AK5: variants seen among roughly 807,000 people sequenced by gnomAD.
The protein encoded by AK5 is adenylate kinase isoenzyme 5.
Under a neutral mutation model 69.5 loss-of-function variants are expected in AK5, and 27 were observed. The ratio of observed to expected loss-of-function variants is 0.39; its 90% CI spans 0.29 to 0.54. AK5 has a LOEUF of 0.54. Among genes scored for constraint, AK5 ranks in the 20% least tolerant of loss-of-function variants. The pLI is 0.71. For synonymous variants in AK5, 260 were observed against 244.4 expected (o/e 1.06, Z -0.60); for missense variants, 531 against 700.4 (o/e 0.76, Z 2.73).
intron 8 of AK5, among the ~76,000 whole-genome samples, chr1:77,481,383 A>C (rs1177854980): frequency 6.6e-6 from 1 of 152,182 alleles, no homozygotes; most frequent in Non-Finnish European, 1.5e-5. Flanking sequence ...CTTGTTGAGG[A>C]ATAATTGATG....
At chr1:77,522,874 A>G (rs1298996246) in intron 12 of AK5, among the ~76,000 whole-genome samples, 1 of 152,168 alleles carries the variant, frequency 6.6e-6, no homozygotes, top group Non-Finnish European at 1.5e-5. Context: ...CATTTTTCAT[A>G]TACAGTTTTC....
At chr1:77,357,626 C>G (rs1662603177) in intron 6 of AK5, among the ~76,000 whole-genome samples, 1 of 152,188 alleles carries the variant, frequency 6.6e-6, no homozygotes, top group Non-Finnish European at 1.5e-5. Flanking sequence ...ACTGCATGCT[C>G]AGTTATATCT....
At chr1:77,533,292 G>C (rs966554836) in intron 12 of AK5, among the ~76,000 whole-genome samples, 7 of 152,156 alleles carry the variant, frequency 4.6e-5, no homozygotes, top group African/African-American at 1.4e-4. Flanking sequence ...GAGGTGGGTG[G>C]ATCACTTGAG....
chr1:77,525,766 T>C (rs1005830899), intron 12 of AK5, among the ~76,000 whole-genome samples: 1 of 152,176 alleles, frequency 6.6e-6, no homozygotes, highest in Non-Finnish European at 1.5e-5. Flanking sequence ...ACCATATATA[T>C]GTGAGAGTTT....
intron 8 of AK5, among the ~76,000 whole-genome samples, chr1:77,443,639 C>T (rs553089838): frequency 9.3e-5 from 14 of 150,194 alleles, no homozygotes; most frequent in African/African-American, 2.0e-4. Context: ...ATAATAATGC[C>T]GCATTCCATG....
intron 6 of AK5, among the ~76,000 whole-genome samples, chr1:77,390,124 G>T (rs1388402486): frequency 2.8e-4 from 42 of 152,170 alleles, no homozygotes; most frequent in Admixed American, 2.7e-3. Context: ...AGGATCACCA[G>T]TTATGAAGGA....
At chr1:77,548,434 C>T (rs1421816576) in intron 13 of AK5, among the ~76,000 whole-genome samples, 2 of 152,132 alleles carry the variant, frequency 1.3e-5, no homozygotes, top group Non-Finnish European at 2.9e-5. Context: ...CTTGCTGAGC[C>T]GCTGCTGTTA....
intron 10 of AK5, among the ~76,000 whole-genome samples, chr1:77,504,224 C>G (rs778303671): frequency 5.3e-5 from 8 of 152,110 alleles, no homozygotes; most frequent in Non-Finnish European, 1.2e-4. Flanking sequence ...TAAGTCATGT[C>G]TCTTTAGACA....
intron 8 of AK5, among the ~76,000 whole-genome samples, chr1:77,422,276 T>C (rs1650866998): frequency 1.3e-5 from 2 of 152,092 alleles, no homozygotes; most frequent in African/African-American, 2.4e-5. Context: ...TCCTAACCAG[T>C]CTCCTTCCCT....
chr1:77,417,973 T>C, intron 8 of AK5: 1 of 326,648 alleles, frequency 3.1e-6, no homozygotes, highest in South Asian at 3.3e-5. Flanking sequence ...GGGATAGAAA[T>C]GAGGTTCTCT....
intron 8 of AK5, among the ~76,000 whole-genome samples, chr1:77,432,840 T>G (rs1414650401): frequency 1.3e-5 from 2 of 152,180 alleles, no homozygotes; most frequent in African/African-American, 2.4e-5. Flanking sequence ...AATTACATCA[T>G]TATCTTGCCA....
intron 8 of AK5, among the ~76,000 whole-genome samples, chr1:77,422,516 G>T (rs549392158): frequency 5.9e-5 from 9 of 152,206 alleles, no homozygotes; most frequent in Admixed American, 1.3e-4. Context: ...CCATTCTCAG[G>T]TCCCTCAAAT....
intron 7 of AK5, among the ~76,000 whole-genome samples, chr1:77,415,055 A>G (rs1186067736): frequency 3.3e-5 from 5 of 152,168 alleles, no homozygotes; most frequent in Non-Finnish European, 4.4e-5. Flanking sequence ...ATGATACAAT[A>G]TAATTCCTGT....
chr1:77,368,232 TATATATA>T (rs1158419696), intron 6 of AK5, among the ~76,000 whole-genome samples: 1,961 of 26,892 alleles, frequency 0.073, 154 homozygotes, highest in African/African-American at 0.17. Context: ...TATATATATA[TATATATA>T]TATATATATA....
intron 6 of AK5, among the ~76,000 whole-genome samples, chr1:77,364,114 A>G (rs1323334284): frequency 1.3e-5 from 2 of 152,206 alleles, no homozygotes; most frequent in Admixed American, 6.5e-5. Flanking sequence ...ATTGTCAATT[A>G]TATCATGGTA....
intron 6 of AK5, among the ~76,000 whole-genome samples, chr1:77,358,014 T>TGA (rs770789847): frequency 9.3e-6 from 1 of 107,678 alleles, no homozygotes; most frequent in Admixed American, 1.1e-4. Context: ...TGTGTGTGTG[T>TGA]GTGTGAGAGA....
At chr1:77,327,608 A>G (rs915439627) in intron 5 of AK5, among the ~76,000 whole-genome samples, 15 of 152,210 alleles carry the variant, frequency 9.9e-5, no homozygotes, top group African/African-American at 3.6e-4. Flanking sequence ...CCATAAACTG[A>G]TCACCATGAA....
intron 5 of AK5, among the ~76,000 whole-genome samples, chr1:77,312,623 A>C (rs889439456): frequency 8.6e-5 from 13 of 151,932 alleles, no homozygotes; most frequent in African/African-American, 2.7e-4. Flanking sequence ...AAAAAAAAAA[A>C]AAAAAACAAA....
chr1:77,391,430 T>TAC (rs1242739355), intron 6 of AK5, among the ~76,000 whole-genome samples: 2 of 124,788 alleles, frequency 1.6e-5, no homozygotes, highest in Non-Finnish European at 3.2e-5. Flanking sequence ...TGTATATATA[T>TAC]ACATATATAC....
Sources: gnomAD v4.1 joint callset for allele counts (sites outside exome capture counted in the v4.1 genomes callset) on GRCh38, gnomAD v4.1.1 for gene constraint, MANE v1.5 for transcripts, NCBI Gene and HGNC (gene_info 2026-07-23, HGNC 2026-07-21) for gene names.